PITPNC1: variants seen among roughly 807,000 people sequenced by gnomAD.
The protein encoded by PITPNC1 is phosphatidylinositol transfer protein cytoplasmic 1, also known as cytoplasmic phosphatidylinositol transfer protein 1.
PITPNC1 carries 18 observed loss-of-function variants against 44.7 expected under a neutral mutation model. The ratio of observed to expected loss-of-function variants is 0.40; its 90% CI spans 0.28 to 0.60. The LOEUF (loss-of-function observed/expected upper bound fraction) is 0.60. PITPNC1 is among the 20% of genes least tolerant of loss of function. PITPNC1 has a pLI of 0.39. For missense variants in PITPNC1, 290 were observed against 418.4 expected (o/e 0.69, Z 2.68); for synonymous variants, 141 against 149.6 (o/e 0.94, Z 0.42).
At chr17:67,529,456 T>C (rs1489144182) in intron 1 of PITPNC1, among the ~76,000 whole-genome samples, 1 of 152,194 alleles carries the variant, frequency 6.6e-6, no homozygotes, top group Non-Finnish European at 1.5e-5. Context: ...TTTGTTTAAA[T>C]TGAGGTGAAA....
intron 1 of PITPNC1, among the ~76,000 whole-genome samples, chr17:67,474,719 T>C (rs2039600241): frequency 6.6e-6 from 1 of 152,112 alleles, no homozygotes; most frequent in Non-Finnish European, 1.5e-5. Flanking sequence ...AGTGGCATGA[T>C]CCATAGCTCA....
rs563681842 is a variant in PITPNC1, at chr17:67,583,297, A to T, written c.366+5040A>T. Among the ~76,000 whole-genome samples the T allele has an allele frequency of 3.3e-5, 5 of 152,158 alleles. No homozygotes were observed. The South Asian group carries it at 1.0e-3, about 32-fold the overall frequency. On this transcript the variant is annotated intron_variant, in intron 5 of 8. Transcript: ENST00000581322. ...GTTCTCAATCACAGCTGCCTATTAA[A>T]ATCACCTGGGCCAGGCGGGGTGGCT... is the stretch of plus-strand genomic sequence containing the variant.
intron 2 of PITPNC1, among the ~76,000 whole-genome samples, chr17:67,536,596 A>G (rs1279679763): frequency 6.6e-6 from 1 of 152,192 alleles, no homozygotes; most frequent in East Asian, 1.9e-4. Flanking sequence ...AGGTGGTAAA[A>G]CAATCCATAA....
intron 1 of PITPNC1, chr17:67,471,513 AC>A (rs1207589982): frequency 2.8e-6 from 1 of 360,932 alleles, no homozygotes; most frequent in Non-Finnish European, 5.3e-6. Flanking sequence ...TGCAAAAGAA[AC>A]TGTGGTTTTT....
Position 67,532,855 on chromosome 17 carries a change from C to G in PITPNC1, c.102C>G (p.Asp34Glu). Residue 34 changes from aspartate to glutamate, a missense_variant, in exon 2 of 9, where the codon GAC (aspartate) becomes GAG (glutamate). Coordinates refer to ENST00000581322, the MANE Select transcript of PITPNC1 (RefSeq NM_012417.4). ...GCAAACACAGCCATGAACAGAGTGA[C>G]CGGGGAGAAGGGGTGGAGGTCGTCC... Reference protein sequence around the residue: ...MISKHSHEQSDRGEGVEVVQN... With the variant: ...MISKHSHEQSERGEGVEVVQN... 6.3e-7 allele frequency: 1 copy of G among 1,594,376 alleles called. No homozygotes were observed. The highest frequency in any genetic ancestry group is 8.5e-7 in the Non-Finnish European group (1 of 1,170,748).
intron 5 of PITPNC1, among the ~76,000 whole-genome samples, chr17:67,594,477 C>T (rs1252105609): frequency 1.3e-5 from 2 of 152,090 alleles, no homozygotes; most frequent in African/African-American, 4.8e-5. Context: ...TGATAAGTCA[C>T]GTCTCCAGGG....
intron 5 of PITPNC1, among the ~76,000 whole-genome samples, chr17:67,585,401 A>G (rs118109108): frequency 1.3e-5 from 2 of 152,276 alleles, no homozygotes; most frequent in East Asian, 3.9e-4. Flanking sequence ...GTGACTGTGC[A>G]TGGAGACAGG....
intron 5 of PITPNC1, among the ~76,000 whole-genome samples, chr17:67,604,209 A>C (rs992288075): frequency 6.6e-6 from 1 of 152,226 alleles, no homozygotes; most frequent in African/African-American, 2.4e-5. Flanking sequence ...GGTGTTTATC[A>C]ACTGGAATAG....
chr17:67,382,846 G>A (rs565577349), intron 1 of PITPNC1, among the ~76,000 whole-genome samples: 11 of 151,750 alleles, frequency 7.2e-5, no homozygotes, highest in Non-Finnish European at 1.6e-4. Context: ...GGCTTGTCTC[G>A]AACTCCTGAC....
At chr17:67,478,497 A>G (rs2039661484) in intron 1 of PITPNC1, among the ~76,000 whole-genome samples, 1 of 152,134 alleles carries the variant, frequency 6.6e-6, no homozygotes, top group Admixed American at 6.5e-5. Flanking sequence ...ACCCCCTTTG[A>G]TGAAAGACCA....
chr17:67,664,007 T>G (rs1381810208), intron 6 of PITPNC1, among the ~76,000 whole-genome samples: 1 of 152,120 alleles, frequency 6.6e-6, no homozygotes, highest in Admixed American at 6.6e-5. Context: ...CTGTCGCCCA[T>G]GCTGGAGTGC....
chr17:67,634,533 CA>C (rs143911297), intron 6 of PITPNC1, among the ~76,000 whole-genome samples: 1 of 150,102 alleles, frequency 6.7e-6, no homozygotes, highest in Admixed American at 6.6e-5. Flanking sequence ...GAAACTGTCT[CA>C]AAAAAAAACA....
chr17:67,386,083 G>A (rs2038046177), intron 1 of PITPNC1, among the ~76,000 whole-genome samples: 1 of 152,166 alleles, frequency 6.6e-6, no homozygotes, highest in South Asian at 2.1e-4. Context: ...GTCTGATTGC[G>A]TGAGTGTGAC....
chr17:67,459,098 T>G (rs1305827430), intron 1 of PITPNC1, among the ~76,000 whole-genome samples: 1 of 148,898 alleles, frequency 6.7e-6, no homozygotes, highest in Non-Finnish European at 1.5e-5. Context: ...CTTTGGGGCT[T>G]TTTTTTTTCT....
At chr17:67,541,441 G>C (rs2040606256) in intron 2 of PITPNC1, among the ~76,000 whole-genome samples, 1 of 149,214 alleles carries the variant, frequency 6.7e-6, no homozygotes, top group Admixed American at 6.8e-5. Context: ...GGGTTTAGTT[G>C]ACAATTCAAT....
intron 1 of PITPNC1, among the ~76,000 whole-genome samples, chr17:67,510,063 GCTTC>G (rs1568020000): frequency 6.6e-6 from 1 of 152,218 alleles, no homozygotes; most frequent in African/African-American, 2.4e-5. Context: ...CTATTGGGAG[GCTTC>G]CAGTCAGTAT....
At chr17:67,615,976 G>A (rs2642032) in intron 5 of PITPNC1, among the ~76,000 whole-genome samples, 13,442 of 152,082 alleles carry the variant, frequency 0.088, 1,569 homozygotes, top group African/African-American at 0.26. Flanking sequence ...CCAAAATTAG[G>A]CCAAACTCAT....
intron 2 of PITPNC1, among the ~76,000 whole-genome samples, chr17:67,534,818 ACCCTAGCTGGGCAGTGCC>A (rs2040506946): frequency 6.6e-6 from 1 of 151,994 alleles, no homozygotes; most frequent in African/African-American, 2.4e-5. Context: ...TATTTCCAAC[ACCCTAGCTGGGCAGTGCC>A]CCAGTTTATT....
At chr17:67,577,419 C>T (rs978232781) in intron 4 of PITPNC1, among the ~76,000 whole-genome samples, 1 of 151,986 alleles carries the variant, frequency 6.6e-6, no homozygotes, top group Non-Finnish European at 1.5e-5. Context: ...GAAACCCTAT[C>T]TCTACTAAAA....
Sources: allele counts gnomAD v4.1 joint callset (sites outside exome capture counted in the v4.1 genomes callset), GRCh38; gene constraint gnomAD v4.1.1; transcripts MANE v1.5; gene names NCBI Gene and HGNC (gene_info 2026-07-23, HGNC 2026-07-21).